Variants in GABBR2 observed in about 807,000 individuals in gnomAD.
GABBR2 encodes gamma-aminobutyric acid type B receptor subunit 2.
In GABBR2, 23 loss-of-function variants were observed where a neutral mutation model predicts 105.6. The observed-to-expected ratio is 0.22, with a 90% confidence interval of 0.16 to 0.31. GABBR2 has a LOEUF of 0.31. Ranked by LOEUF, GABBR2 falls within the 10% of genes least tolerant of loss-of-function variation. GABBR2 has a pLI of 1.00. For missense variants in GABBR2, 734 were observed against 1,245.5 expected (o/e 0.59, Z 6.18); for synonymous variants, 478 against 499.7 (o/e 0.96, Z 0.58).
At chr9:98,700,364 C>G (rs1285360185) in intron 1 of GABBR2, among the ~76,000 whole-genome samples, 1 of 152,170 alleles carries the variant, frequency 6.6e-6, no homozygotes, top group Non-Finnish European at 1.5e-5. Context: ...CCTGCCACAG[C>G]CTTCAAGCTA....
chr9:98,570,954 C>T (rs1192996225), intron 2 of GABBR2, among the ~76,000 whole-genome samples: 2 of 152,202 alleles, frequency 1.3e-5, no homozygotes, highest in Non-Finnish European at 2.9e-5. Context: ...CCTGGCTCTC[C>T]GTCAGCAAAT....
At chr9:98,299,441 G>A in intron 16 of GABBR2, 88 bp from the exon 17 acceptor site, 2 of 1,466,374 alleles carry the variant, frequency 1.4e-6, no homozygotes, top group Non-Finnish European at 1.9e-6. Context: ...TCACAGGGCT[G>A]GGCCTTTACC....
intron 1 of GABBR2, among the ~76,000 whole-genome samples, chr9:98,652,706 T>C (rs910158418): frequency 6.6e-6 from 1 of 152,210 alleles, no homozygotes; most frequent in African/African-American, 2.4e-5. Flanking sequence ...ACTGTCATTT[T>C]CCAGCTTCGC....
chr9:98,568,380 C>T (rs574987088), intron 2 of GABBR2, among the ~76,000 whole-genome samples: 1 of 152,230 alleles, frequency 6.6e-6, no homozygotes, highest in South Asian at 2.1e-4. Context: ...GGACACATGG[C>T]GTAACATGCC....
intron 1 of GABBR2, chr9:98,606,787 A>AT (rs1398765363): frequency 3.8e-5 from 12 of 315,858 alleles, no homozygotes; most frequent in Non-Finnish European, 6.1e-5. Flanking sequence ...ACCTATTATC[A>AT]TTTTTTTATG....
At chr9:98,628,240 G>C (rs563217290) in intron 1 of GABBR2, among the ~76,000 whole-genome samples, 1 of 150,664 alleles carries the variant, frequency 6.6e-6, no homozygotes, top group Admixed American at 6.5e-5. Context: ...AAGCTTCAGC[G>C]AAGCAAGAAC....
intron 3 of GABBR2, among the ~76,000 whole-genome samples, chr9:98,502,312 C>G (rs1827416889): frequency 6.6e-6 from 1 of 152,168 alleles, no homozygotes; most frequent in Non-Finnish European, 1.5e-5. Context: ...ATCAGGGAGG[C>G]TGGTCCCCAC....
At chr9:98,593,541 C>G (rs1337643631) in intron 1 of GABBR2, among the ~76,000 whole-genome samples, 1 of 152,122 alleles carries the variant, frequency 6.6e-6, no homozygotes, top group Admixed American at 6.5e-5. Context: ...GCCACCAGGA[C>G]CCCCTGAGGT....
At chr9:98,442,861 C>T (rs962147619) in intron 7 of GABBR2, among the ~76,000 whole-genome samples, 2 of 152,200 alleles carry the variant, frequency 1.3e-5, no homozygotes, top group Admixed American at 1.3e-4. Context: ...GGCATTCTCC[C>T]TGTGTGCCTG....
chr9:98,677,633 A>T (rs1407144202), intron 1 of GABBR2, among the ~76,000 whole-genome samples: 4 of 152,166 alleles, frequency 2.6e-5, no homozygotes, highest in Non-Finnish European at 5.9e-5. Flanking sequence ...CAAAGTCCTC[A>T]AATGTCCCAT....
intron 6 of GABBR2, among the ~76,000 whole-genome samples, chr9:98,457,980 A>AT (rs1404551333): frequency 6.6e-6 from 1 of 152,256 alleles, no homozygotes; most frequent in African/African-American, 2.4e-5. Flanking sequence ...AAAATAACTT[A>AT]TGCAGATAGT....
At chr9:98,392,772 A>G (rs1440861124) in intron 9 of GABBR2, among the ~76,000 whole-genome samples, 3 of 152,196 alleles carry the variant, frequency 2.0e-5, no homozygotes, top group Non-Finnish European at 4.4e-5. Context: ...ATTGCTATTA[A>G]GTGACTAGAC....
intron 1 of GABBR2, among the ~76,000 whole-genome samples, chr9:98,690,866 G>A (rs567907354): frequency 6.6e-6 from 1 of 152,330 alleles, no homozygotes; most frequent in South Asian, 2.1e-4. Flanking sequence ...TCAGCCAGAG[G>A]GACAGCCTGG....
intron 5 of GABBR2, among the ~76,000 whole-genome samples, chr9:98,474,773 C>T (rs1826752887): frequency 6.6e-6 from 1 of 152,076 alleles, no homozygotes; most frequent in South Asian, 2.1e-4. Context: ...AGGGTCTGTC[C>T]ACAGAAGGGA....
chr9:98,500,541 G>A (rs956452076), intron 3 of GABBR2, among the ~76,000 whole-genome samples: 2 of 152,204 alleles, frequency 1.3e-5, no homozygotes, highest in Non-Finnish European at 2.9e-5. Context: ...GGCCTCTGGG[G>A]CTACCCAAAG....
At chr9:98,612,727 G>GA (rs869070985) in intron 1 of GABBR2, among the ~76,000 whole-genome samples, 2 of 152,144 alleles carry the variant, frequency 1.3e-5, no homozygotes, top group Non-Finnish European at 2.9e-5. Context: ...TCTCAGGGGG[G>GA]AAAAAACCAC....
At chr9:98,479,283 G>T (rs79595929) in intron 5 of GABBR2, among the ~76,000 whole-genome samples, 3,301 of 152,256 alleles carry the variant, frequency 0.022, 121 homozygotes, top group African/African-American at 0.076. Context: ...AAGATGGCTG[G>T]TATCTGCTGA....
At chr9:98,493,974 A>C (rs1022233918) in intron 4 of GABBR2, among the ~76,000 whole-genome samples, 1 of 152,244 alleles carries the variant, frequency 6.6e-6, no homozygotes, top group Non-Finnish European at 1.5e-5. Context: ...GTTAGAGGTA[A>C]CTAGTTAGGT....
intron 6 of GABBR2, among the ~76,000 whole-genome samples, chr9:98,461,017 A>G (rs1257266026): frequency 6.6e-6 from 1 of 152,248 alleles, no homozygotes; most frequent in Non-Finnish European, 1.5e-5. Context: ...AGAAAATTAT[A>G]GGCCATCTAA....
Sources: gnomAD v4.1 joint callset for allele counts (sites outside exome capture counted in the v4.1 genomes callset) on GRCh38, gnomAD v4.1.1 for gene constraint, MANE v1.5 for transcripts, NCBI Gene and HGNC (gene_info 2026-07-23, HGNC 2026-07-21) for gene names.